UNC80: variants seen among roughly 807,000 people sequenced by gnomAD.
UNC80 encodes unc-80 subunit of NALCN channel complex.
Under a neutral mutation model 384.6 loss-of-function variants are expected in UNC80, and 164 were observed. The ratio of observed to expected loss-of-function variants is 0.43; its 90% CI spans 0.38 to 0.49. The LOEUF is 0.49. UNC80 is among the 20% of genes least tolerant of loss of function. The pLI is 0.00. For missense variants in UNC80, 3,330 were observed against 4,143.0 expected (o/e 0.80, Z 5.39); for synonymous variants, 1,486 against 1,527.8 (o/e 0.97, Z 0.64).
intron 10 of UNC80, 111 bp from the exon 11 acceptor site, chr2:209,817,701 C>T (rs2153827604): frequency 6.0e-6 from 8 of 1,340,058 alleles, no homozygotes; most frequent in Non-Finnish European, 8.1e-6. Context: ...GTGTTTCACA[C>T]TTTTCCTAAC....
At chr2:209,946,676 A>G (rs2091930377) in intron 47 of UNC80, among the ~76,000 whole-genome samples, 1 of 152,240 alleles carries the variant, frequency 6.6e-6, no homozygotes, top group Non-Finnish European at 1.5e-5. Context: ...TGCCAAGTAC[A>G]GAGAATTCAA....
In UNC80 at chr2:209,817,632, A is replaced by G. The variant is rs1281371642; in HGVS notation, c.1553-180A>G. On this transcript the variant is annotated intron_variant, in intron 10 of 64. Coordinates refer to ENST00000673920, the MANE Select transcript of UNC80 (RefSeq NM_001371986.1). Reference sequence around the variant, plus strand: ...GGCTGACCTTATCACAGGCAGCTTCATCAATCATCCTGACCCTGAATATCC... The same window carrying G: ...GGCTGACCTTATCACAGGCAGCTTCGTCAATCATCCTGACCCTGAATATCC... 2.0e-5 allele frequency among the ~76,000 whole-genome samples: 3 copies of G among 152,140 alleles called. No individual in the cohort carries two copies. The East Asian group carries it at 5.8e-4, about 29-fold the overall frequency.
chr2:209,990,951 T>C (rs2093380744), intron 61 of UNC80, among the ~76,000 whole-genome samples: 1 of 152,220 alleles, frequency 6.6e-6, no homozygotes, highest in Admixed American at 6.5e-5. Context: ...TTAGTGGAAG[T>C]GTAAGACTTT....
chr2:209,939,604 C>T lies in UNC80; in HGVS notation c.6598C>T (p.Pro2200Ser), dbSNP rs1487236152. 1 of 1,551,710 alleles carries T rather than the reference C, an allele frequency of 6.4e-7. No homozygotes were observed. Among genetic ancestry groups the T allele is most frequent in the Non-Finnish European group, 8.7e-7 (1 of 1,146,868 alleles). ...QEDLLRLPSF[P>S]RSAIDAEFSL... is the part of the protein sequence containing the mutation. ...AGACCTCCTCCGCCTGCCCTCATTC[C>T]CTCGTAGTGCTATTGATGCTGAGTT... The change falls in exon 43 of 65, where the codon CCT (proline) becomes TCT (serine). Residue 2200 changes from proline (P) to serine (S), a missense_variant. Around this residue, in one of 8 missense-constraint regions of UNC80, gnomAD observed 1,049 missense variants for 1,488.6 expected, o/e 0.70. Coordinates refer to ENST00000673920, the MANE Select transcript of UNC80 (RefSeq NM_001371986.1).
At chr2:209,901,929 A>C (rs78854716) in intron 28 of UNC80, among the ~76,000 whole-genome samples, 1 of 77,620 alleles carries the variant, frequency 1.3e-5, no homozygotes, top group Non-Finnish European at 3.2e-5. Flanking sequence ...ACTCTGTCTC[A>C]AAAAAAAAAA....
In UNC80 at chr2:209,872,949, G is replaced by A. The variant is rs903948521; in HGVS notation, c.3819G>A (p.Lys1273=). The A allele has an allele frequency of 1.1e-5, 17 of 1,551,518 alleles. No homozygotes were observed. The highest frequency in any genetic ancestry group is 2.7e-5 in the African/African-American group (2 of 73,028). ...AGAAGCTGCAGTGGAATGCAGCCAA[G>A]CTCTTCTACCAATGGGGAGACGTGA... ...RNQKLQWNAA[K]LFYQWGDAIG... Residue 1273 remains lysine, a synonymous_variant, in exon 23 of 65, where the codon AAG becomes AAA. Coordinates refer to ENST00000673920, the MANE Select transcript of UNC80 (RefSeq NM_001371986.1). The surrounding 1 kb of genome is among the most constrained non-coding windows in gnomAD (Gnocchi z 4.1).
intron 22 of UNC80, among the ~76,000 whole-genome samples, chr2:209,852,550 T>TA (rs1217391128): frequency 6.6e-6 from 1 of 152,102 alleles, no homozygotes; most frequent in Non-Finnish European, 1.5e-5. Context: ...AGGACACACT[T>TA]ACAATCAGTT....
intron 56 of UNC80, among the ~76,000 whole-genome samples, chr2:209,974,710 G>T (rs1214333757): frequency 6.6e-6 from 1 of 152,232 alleles, no homozygotes; most frequent in Non-Finnish European, 1.5e-5. Flanking sequence ...CTGGGGCCCA[G>T]AAAGGTTGAG....
At chr2:209,956,272 T>C (rs1325980440) in intron 48 of UNC80, among the ~76,000 whole-genome samples, 1 of 152,298 alleles carries the variant, frequency 6.6e-6, no homozygotes, top group Non-Finnish European at 1.5e-5. Context: ...CAAACCAAAA[T>C]TGGCTTCACT....
intron 31 of UNC80, among the ~76,000 whole-genome samples, chr2:209,917,431 G>T (rs1486352673): frequency 6.6e-6 from 1 of 152,058 alleles, no homozygotes; most frequent in Admixed American, 6.6e-5. Flanking sequence ...TATTGTCCTC[G>T]GGTTACTAAG....
chr2:209,923,666 C>G (rs2090214500), intron 35 of UNC80, among the ~76,000 whole-genome samples: 1 of 152,180 alleles, frequency 6.6e-6, no homozygotes, highest in East Asian at 1.9e-4. Context: ...TTATAACATG[C>G]TCTGTTTTGC....
chr2:209,841,599 C>T (rs979671576), intron 20 of UNC80, among the ~76,000 whole-genome samples: 1 of 152,046 alleles, frequency 6.6e-6, no homozygotes, highest in African/African-American at 2.4e-5. Flanking sequence ...ATCCACCTGC[C>T]TCGGCCTCCC....
chr2:209,928,292 C>T (rs781013687), intron 36 of UNC80, among the ~76,000 whole-genome samples: 18 of 152,092 alleles, frequency 1.2e-4, no homozygotes, highest in African/African-American at 4.3e-4. Flanking sequence ...GCCGAAACCG[C>T]ACCACTGCAC....
chr2:209,984,562 G>A (rs543616114), intron 60 of UNC80, among the ~76,000 whole-genome samples: 15 of 152,120 alleles, frequency 9.9e-5, no homozygotes, highest in Admixed American at 2.0e-4. Context: ...TCTGCAATGT[G>A]TTTCAGAGCC....
intron 53 of UNC80, 53 bp downstream of exon 53, chr2:209,969,944 T>C (rs2092835346): frequency 6.5e-7 from 1 of 1,540,144 alleles, no homozygotes; most frequent in African/African-American, 1.4e-5. Context: ...AACTCTGCTA[T>C]TGACTTCTCT....
At chr2:209,808,705 T>A in intron 7 of UNC80, 1 of 110,548 alleles carries the variant, frequency 9.0e-6, no homozygotes. Context: ...TTAAGGGAGT[T>A]GGCGGAGCGG....
rs1470854196 is a variant in UNC80 at position 209,839,525 on chromosome 2, C to A, written c.3250+95C>A. On this transcript the variant is annotated intron_variant, in intron 19 of 64. Coordinates refer to ENST00000673920, the MANE Select transcript of UNC80 (RefSeq NM_001371986.1). This position sits in a 1 kb window ranked among gnomAD's most constrained non-coding sequence, Gnocchi z 4.1. ...TGCATAGTAGGGCCGAAAAAGAAGA[C>A]CTTCAAGTCATAAGACCTAGACTGA... The A allele has an allele frequency of 3.8e-6, 5 of 1,307,012 alleles. No homozygotes were observed. Among genetic ancestry groups the A allele is most frequent in the African/African-American group, 2.9e-5 (2 of 67,872 alleles). 81.0% of individuals were successfully genotyped at this position (1,307,012 alleles called of 1,614,324 possible).
intron 22 of UNC80, among the ~76,000 whole-genome samples, chr2:209,850,282 T>A (rs2082432419): frequency 6.6e-6 from 1 of 152,106 alleles, no homozygotes; most frequent in Non-Finnish European, 1.5e-5. Context: ...CTCAATTTAT[T>A]TATCTTTATT....
rs1377696203 is a variant in UNC80 at position 209,918,756 on chromosome 2, T to C, written c.5343+93T>C. 3 of 1,332,842 alleles carry C rather than the reference T, an allele frequency of 2.3e-6. No individual in the cohort carries two copies. In the East Asian group the frequency reaches 7.7e-5, roughly 34 times the overall value. The allele number at this position is 1,332,842 out of a possible 1,614,324, so 82.6% of individuals were successfully genotyped here. On this transcript the variant is annotated intron_variant, in intron 33 of 64. Transcript: ENST00000673920. ...TTTGTTCATTCTCATCATAAGAATG[T>C]AATAATAACACAGAAAGTCAGCACA... is the stretch of plus-strand genomic sequence containing the variant.
Sources: allele counts gnomAD v4.1 joint callset (sites outside exome capture counted in the v4.1 genomes callset), GRCh38; gene constraint gnomAD v4.1.1; regional missense constraint gnomAD v4.1.1; non-coding constraint Gnocchi (gnomAD v3.1); transcripts MANE v1.5; gene names NCBI Gene and HGNC (gene_info 2026-07-23, HGNC 2026-07-21).